Variants in FMNL2 observed in about 807,000 individuals in gnomAD.
FMNL2 encodes formin like 2, also known as formin-like protein 2.
Under a neutral mutation model 130.2 loss-of-function variants are expected in FMNL2, and 51 were observed. That is an observed-to-expected ratio of 0.39 (90% CI 0.31 to 0.49). The LOEUF (loss-of-function observed/expected upper bound fraction) is 0.49. Among genes scored for constraint, FMNL2 ranks in the 20% least tolerant of loss-of-function variants. The pLI is 0.85. For synonymous variants in FMNL2, 465 were observed against 467.1 expected, an observed-to-expected ratio of 1.00 and a Z score of 0.06; for missense variants, 977 against 1,316.2, an observed-to-expected ratio of 0.74 and a Z score of 3.99.
intron 1 of FMNL2, among the ~76,000 whole-genome samples, chr2:152,516,034 G>A (rs1166266170): frequency 6.6e-6 from 1 of 152,104 alleles, no homozygotes; most frequent in Non-Finnish European, 1.5e-5. Context: ...ACTAATAAAT[G>A]AGTAAATCCT....
chr2:152,566,364 C>T (rs1023386967), intron 6 of FMNL2, among the ~76,000 whole-genome samples: 1 of 152,118 alleles, frequency 6.6e-6, no homozygotes, highest in African/African-American at 2.4e-5. Context: ...GTACTAAGGG[C>T]CTCGGGGGAT....
chr2:152,495,668 G>A (rs77547643), intron 1 of FMNL2, among the ~76,000 whole-genome samples: 4,998 of 36,806 alleles, frequency 0.14, 89 homozygotes, highest in Non-Finnish European at 0.19. Flanking sequence ...AAAAAAAAAA[G>A]ATTTTTTTCA....
At chr2:152,483,639 G>T (rs917072252) in intron 1 of FMNL2, among the ~76,000 whole-genome samples, 3 of 152,184 alleles carry the variant, frequency 2.0e-5, no homozygotes, top group Admixed American at 2.0e-4. Flanking sequence ...CTGATGCTAA[G>T]CCCCAGGAAA....
chr2:152,640,129 A>C, intron 24 of FMNL2, 73 bp downstream of exon 24: 1 of 1,308,376 alleles, frequency 7.6e-7, no homozygotes, highest in Non-Finnish European at 1.0e-6. Flanking sequence ...AAGCCATACA[A>C]AGGACCAGCA....
At chr2:152,608,182 C>T (rs1468731596) in intron 10 of FMNL2, among the ~76,000 whole-genome samples, 1 of 151,890 alleles carries the variant, frequency 6.6e-6, no homozygotes, top group African/African-American at 2.4e-5. Flanking sequence ...AATTCTAGAC[C>T]CAGGAGATCC....
chr2:152,578,535 G>A (rs1428532545), intron 7 of FMNL2: 3 of 162,800 alleles, frequency 1.8e-5, no homozygotes, highest in Non-Finnish European at 4.0e-5. Context: ...GAAACATGTA[G>A]TTCATTTGTA....
At chr2:152,524,584 C>T (rs1693279950) in intron 2 of FMNL2, among the ~76,000 whole-genome samples, 1 of 152,072 alleles carries the variant, frequency 6.6e-6, no homozygotes, top group African/African-American at 2.4e-5. Context: ...GTAGTGTGAG[C>T]GTAGAAAGCT....
chr2:152,602,043 G>C (rs893128595), intron 9 of FMNL2, among the ~76,000 whole-genome samples: 9 of 152,170 alleles, frequency 5.9e-5, no homozygotes, highest in African/African-American at 2.2e-4. Context: ...CTAACAACAG[G>C]GTAGTGGCTG....
intron 1 of FMNL2, among the ~76,000 whole-genome samples, chr2:152,432,561 A>C (rs1687554744): frequency 6.6e-6 from 1 of 152,196 alleles, no homozygotes; most frequent in African/African-American, 2.4e-5. Context: ...ATGGCCGTCC[A>C]AAGCTCTAAA....
chr2:152,423,066 A>T (rs1256224389), intron 1 of FMNL2, among the ~76,000 whole-genome samples: 1 of 152,218 alleles, frequency 6.6e-6, no homozygotes, highest in African/African-American at 2.4e-5. Flanking sequence ...GGTACATAGT[A>T]GGCATATATA....
At chr2:152,567,972 G>A (rs146034863) in intron 6 of FMNL2, among the ~76,000 whole-genome samples, 1 of 152,254 alleles carries the variant, frequency 6.6e-6, no homozygotes, top group African/African-American at 2.4e-5. Context: ...GAAGGCTTGT[G>A]GAAAACCTTT....
intron 1 of FMNL2, among the ~76,000 whole-genome samples, chr2:152,431,987 A>G (rs1687518255): frequency 6.8e-6 from 1 of 147,562 alleles, no homozygotes; most frequent in African/African-American, 2.5e-5. Flanking sequence ...AAAAAAAAAG[A>G]TTTGAAAATT....
chr2:152,633,494 G>A (rs1424311882), intron 21 of FMNL2, among the ~76,000 whole-genome samples: 1 of 152,168 alleles, frequency 6.6e-6, no homozygotes, highest in Non-Finnish European at 1.5e-5. Context: ...ATGAACAAGT[G>A]AACAAATGAA....
At chr2:152,639,759 G>C (rs902618424) in intron 23 of FMNL2, among the ~76,000 whole-genome samples, 199 bp from the exon 24 acceptor site, 2 of 152,094 alleles carry the variant, frequency 1.3e-5, no homozygotes, top group Non-Finnish European at 2.9e-5. Context: ...TTGAATCTCA[G>C]CTCCCAGCTT....
At chr2:152,513,882 C>A (rs937231860) in intron 1 of FMNL2, among the ~76,000 whole-genome samples, 5 of 152,096 alleles carry the variant, frequency 3.3e-5, no homozygotes, top group Admixed American at 1.3e-4. Flanking sequence ...TGGTGATTCA[C>A]TTTGGGGAAC....
In FMNL2 at chr2:152,508,743, G is replaced by A. The variant is rs138863863; in HGVS notation, c.118-13200G>A. ...AGAACATATTGAGTGGGTGTACTGA[G>A]TTCAGCAGCCAGGGTCGTGTCCCCC... is the stretch of plus-strand genomic sequence containing the variant. On this transcript the variant is annotated intron_variant, in intron 1 of 25. Coordinates refer to ENST00000288670, the MANE Select transcript of FMNL2 (RefSeq NM_052905.4). Among the ~76,000 whole-genome samples, 502 of 152,318 alleles carry A rather than the reference G, an allele frequency of 3.3e-3. 4 individuals are homozygous for A. Among genetic ancestry groups the A allele is most frequent in the Non-Finnish European group, 6.0e-3 (407 of 68,026 alleles).
intron 1 of FMNL2, among the ~76,000 whole-genome samples, chr2:152,363,098 T>A (rs1333010147): frequency 6.6e-6 from 1 of 152,196 alleles, no homozygotes; most frequent in Non-Finnish European, 1.5e-5. Flanking sequence ...GATGAAAATG[T>A]TCTAAAATTG....
chr2:152,449,016 G>C (rs1005613434), intron 1 of FMNL2, among the ~76,000 whole-genome samples: 5 of 152,344 alleles, frequency 3.3e-5, no homozygotes, highest in Middle Eastern at 3.4e-3. Flanking sequence ...CTAATTGTCT[G>C]TTGGTTAAGA....
At chr2:152,452,544 C>T (rs982331583) in intron 1 of FMNL2, among the ~76,000 whole-genome samples, 4 of 152,100 alleles carry the variant, frequency 2.6e-5, no homozygotes, top group African/African-American at 4.8e-5. Flanking sequence ...TCCTCCCCCC[C>T]CTAGTTTTCT....
Sources: allele counts gnomAD v4.1 joint callset (sites outside exome capture counted in the v4.1 genomes callset), GRCh38; gene constraint gnomAD v4.1.1; transcripts MANE v1.5; gene names NCBI Gene and HGNC (gene_info 2026-07-23, HGNC 2026-07-21).